The following CFAP54 variants were observed in gnomAD, a reference collection of about 807,000 sequenced individuals.
CFAP54 encodes the protein cilia and flagella associated protein 54, also known as cilia- and flagella-associated protein 54.
Under a neutral mutation model 370.4 loss-of-function variants are expected in CFAP54, and 290 were observed. The observed-to-expected ratio is 0.78, with a 90% confidence interval of 0.71 to 0.86. The LOEUF is 0.86. Among genes scored for constraint, CFAP54 ranks in the 40% least tolerant of loss-of-function variants. The probability of loss-of-function intolerance (pLI) is 0.00; values close to 1 mark genes in which losing one functional copy is unlikely to be tolerated. For synonymous variants in CFAP54, 1,206 were observed against 1,236.5 expected (o/e 0.98, Z 0.52); for missense variants, 3,399 against 3,528.7 (o/e 0.96, Z 0.93).
At chr12:96,853,199 T>C (rs1959599510) in intron 66 of CFAP54, among the ~76,000 whole-genome samples, 1 of 151,966 alleles carries the variant, frequency 6.6e-6, no homozygotes, top group Admixed American at 6.6e-5. Context: ...ACTGGAAAAA[T>C]GAATAAATTG....
intron 30 of CFAP54, among the ~76,000 whole-genome samples, chr12:96,628,538 G>A (rs1956570296): frequency 6.6e-6 from 1 of 152,198 alleles, no homozygotes; most frequent in Admixed American, 6.5e-5. Flanking sequence ...GACGTAGCTG[G>A]TTGGAAATGG....
intron 19 of CFAP54, among the ~76,000 whole-genome samples, chr12:96,568,893 G>GGT (rs1955886541): frequency 6.6e-6 from 1 of 150,812 alleles, no homozygotes; most frequent in Non-Finnish European, 1.5e-5. Context: ...TAGCTTCCAA[G>GGT]TGAGATGACT....
Position 96,797,147 on chromosome 12 carries a change from T to C in CFAP54, c.8850+4648T>C, listed in dbSNP as rs190176643. 2.6e-3 allele frequency among the ~76,000 whole-genome samples: 392 copies of C among 152,268 alleles called. 1 individual carries two copies. Among genetic ancestry groups the C allele is most frequent in the Non-Finnish European group, 3.5e-3 (238 of 67,982 alleles). On this transcript the variant is annotated intron_variant, in intron 63 of 67. Transcript: ENST00000524981. ...CCAAACTATGTGGAGCTTTTCTAGTTATCTTTTGTTATCTATTCCCAGATT... is the reference window on the plus strand; with the variant it reads ...CCAAACTATGTGGAGCTTTTCTAGTCATCTTTTGTTATCTATTCCCAGATT...
chr12:96,727,194 G>T (rs1167571472), intron 50 of CFAP54, among the ~76,000 whole-genome samples: 1 of 152,024 alleles, frequency 6.6e-6, no homozygotes, highest in Non-Finnish European at 1.5e-5. Context: ...TATTAGGTCC[G>T]CTTGGTGCAG....
intron 66 of CFAP54, among the ~76,000 whole-genome samples, chr12:96,847,074 G>C (rs909098033): frequency 2.6e-5 from 4 of 152,244 alleles, no homozygotes; most frequent in African/African-American, 9.6e-5. Flanking sequence ...GAGTTGCCAG[G>C]ACCCTCCCCT....
intron 32 of CFAP54, among the ~76,000 whole-genome samples, chr12:96,635,579 T>G (rs573372436): frequency 2.0e-5 from 3 of 152,328 alleles, no homozygotes; most frequent in Non-Finnish European, 4.4e-5. Flanking sequence ...ATGCTGACAC[T>G]GTCGACATAC....
intron 19 of CFAP54, among the ~76,000 whole-genome samples, chr12:96,565,739 T>C (rs1955860034): frequency 6.6e-6 from 1 of 152,176 alleles, no homozygotes; most frequent in Admixed American, 6.5e-5. Context: ...CCTCATCTTT[T>C]GATACAGAAG....
chr12:96,576,637 C>T lies in CFAP54; in HGVS notation c.2672C>T (p.Ser891Phe). 6.5e-7 allele frequency: 1 copy of T among 1,534,688 alleles called. No individual in the cohort carries two copies. The highest frequency in any genetic ancestry group is 8.7e-7 in the Non-Finnish European group (1 of 1,145,832). ...GAAGCTGAACAAAATGCCCTATATT[C>T]CTATCAGAAATATTTGGAAAGTTCA... The part of the protein sequence containing the change: ...RIEAEQNALY[S>F]YQKYLESSKR... The change falls in exon 20 of 68, where the codon TCC (serine) becomes TTC (phenylalanine). Residue 891 changes from serine to phenylalanine, a missense_variant. Coordinates refer to ENST00000524981, the MANE Select transcript of CFAP54 (RefSeq NM_001306084.2).
chr12:96,750,301 G>GCAA (rs986059369), intron 55 of CFAP54, among the ~76,000 whole-genome samples: 3 of 151,996 alleles, frequency 2.0e-5, no homozygotes, highest in African/African-American at 7.2e-5. Context: ...AGCAGCAGCA[G>GCAA]CAGCAGCAGC....
At chr12:96,592,674 C>T in intron 24 of CFAP54, 37 bp downstream of exon 24, 1 of 711,278 alleles carries the variant, frequency 1.4e-6, no homozygotes, top group Non-Finnish European at 2.0e-6. Flanking sequence ...ATGTCAGATT[C>T]ACTGTATTTT....
intron 26 of CFAP54, among the ~76,000 whole-genome samples, chr12:96,618,378 G>C (rs1279312564): frequency 6.6e-6 from 1 of 152,226 alleles, no homozygotes; most frequent in African/African-American, 2.4e-5. Flanking sequence ...CAGGATCCCT[G>C]AAAGCATGAG....
chr12:96,601,953 T>A (rs1259085148), intron 26 of CFAP54, among the ~76,000 whole-genome samples: 1 of 152,232 alleles, frequency 6.6e-6, no homozygotes, highest in Admixed American at 6.5e-5. Context: ...TGTCTCTATC[T>A]CCTTCAGTTC....
intron 65 of CFAP54, among the ~76,000 whole-genome samples, chr12:96,821,856 G>A (rs1959039490): frequency 6.6e-6 from 1 of 152,130 alleles, no homozygotes; most frequent in Admixed American, 6.5e-5. Flanking sequence ...TCTGGAATTG[G>A]ACAGGATTTC....
At chr12:96,724,555 A>G (rs1466947548) in intron 50 of CFAP54, among the ~76,000 whole-genome samples, 1 of 151,822 alleles carries the variant, frequency 6.6e-6, no homozygotes, top group Non-Finnish European at 1.5e-5. Context: ...GTTTGAGTTC[A>G]TTGTAGATTC....
Position 96,649,899 on chromosome 12 carries a change from G to T in CFAP54, c.4699G>T (p.Glu1567Ter), listed in dbSNP as rs1956838323. The T allele has an allele frequency of 1.3e-6, 2 of 1,591,880 alleles. No homozygotes were observed. The highest frequency in any genetic ancestry group is 1.7e-6 in the Non-Finnish European group (2 of 1,168,838). ...RKANLPSDAEEFSTFINSIMS... is the reference protein window; with the variant it reads ...RKANLPSDAE ...TTATTTTTGTACTGTAGATGCTGAAGAATTTTCTACATTTATTAATTCCAT... is the reference window on the plus strand; with the variant it reads ...TTATTTTTGTACTGTAGATGCTGAATAATTTTCTACATTTATTAATTCCAT... The change falls in exon 35 of 68, where the codon GAA becomes TAA. Residue 1567 changes from glutamate (E) to a stop codon, truncating the protein, a stop_gained. Coordinates refer to ENST00000524981, the MANE Select transcript of CFAP54 (RefSeq NM_001306084.2). LOFTEE classifies it high-confidence loss of function.
At position 96,651,715 on chromosome 12, in the gene CFAP54, G is replaced by A; in HGVS notation, c.5000G>A (p.Ser1667Asn). The part of the protein sequence containing the change: ...AVDLDKTFPI[S>N]QDGFLCTSVL... ...GATCTTGATAAAACATTTCCTATTAGCCAAGATGGTTTCCTCTGCACCTCT... is the reference window on the plus strand; with the variant it reads ...GATCTTGATAAAACATTTCCTATTAACCAAGATGGTTTCCTCTGCACCTCT... The change falls in exon 36 of 68, where the codon AGC becomes AAC. Residue 1667 changes from serine to asparagine, a missense_variant. Ser to Asn is a conservative substitution (Grantham distance 46, BLOSUM62 1). Around this residue, in one of 3 missense-constraint regions of CFAP54, gnomAD observed 2,796 missense variants for 2,869.7 expected, o/e 0.97. Transcript: ENST00000524981. 2 of 1,613,856 alleles carry A rather than the reference G, an allele frequency of 1.2e-6. No homozygotes were observed. Among genetic ancestry groups the A allele is most frequent in the Non-Finnish European group, 1.7e-6 (2 of 1,179,800 alleles).
chr12:96,576,998 A>C (rs1018882896), intron 20 of CFAP54, among the ~76,000 whole-genome samples: 3 of 152,208 alleles, frequency 2.0e-5, no homozygotes, highest in African/African-American at 7.2e-5. Flanking sequence ...ATATATTGTT[A>C]GGAGAAACAG....
intron 67 of CFAP54, among the ~76,000 whole-genome samples, chr12:96,869,123 A>C (rs148997730): frequency 6.2e-4 from 94 of 152,354 alleles, no homozygotes; most frequent in African/African-American, 2.0e-3. Flanking sequence ...ATTTCTGACT[A>C]ATTAGTTTAA....
rs1228283582 is a variant in CFAP54, at chr12:96,554,746, T to C, written c.2354T>C (p.Leu785Pro). ...ASNSFMMDLH[L>P]ELIQAQHRIA... ...AATAGTTTCATGATGGATTTGCATC[T>C]TGAACTAATTCAAGCTCAGCATCGA... is the stretch of plus-strand genomic sequence containing the variant. The change falls in exon 17 of 68, where the codon CTT (leucine) becomes CCT (proline). Residue 785 changes from leucine (L) to proline (P), a missense_variant. By Grantham distance (98) the Leu-to-Pro change is moderately conservative. Around this residue, in one of 3 missense-constraint regions of CFAP54, gnomAD observed 2,796 missense variants for 2,869.7 expected, o/e 0.97. Coordinates refer to ENST00000524981, the MANE Select transcript of CFAP54 (RefSeq NM_001306084.2). 2.0e-6 allele frequency: 3 copies of C among 1,534,982 alleles called. No individual in the cohort carries two copies. The highest frequency in any genetic ancestry group is 2.6e-6 in the Non-Finnish European group (3 of 1,146,204).
Sources: allele counts gnomAD v4.1 joint callset (sites outside exome capture counted in the v4.1 genomes callset), GRCh38; gene constraint gnomAD v4.1.1; regional missense constraint gnomAD v4.1.1; transcripts MANE v1.5; gene names NCBI Gene and HGNC (gene_info 2026-07-23, HGNC 2026-07-21).